The following TCF12 variants were observed in gnomAD, a reference collection of about 807,000 sequenced individuals.
TCF12 encodes the protein DNA-binding protein HTF4.
TCF12 carries 45 observed loss-of-function variants against 86.0 expected under a neutral mutation model. The observed-to-expected ratio is 0.52, with a 90% CI of 0.41 to 0.67. TCF12 has a LOEUF of 0.67. TCF12 is among the 30% of genes least tolerant of loss of function. The pLI is 0.00. For synonymous variants in TCF12, 330 were observed against 299.6 expected (o/e 1.10, Z -1.05); for missense variants, 881 against 859.9 (o/e 1.02, Z -0.31).
chr15:57,086,212 G>GATGATAATAATAATAATAATAATA (rs1555501430), intron 4 of TCF12, among the ~76,000 whole-genome samples: 1 of 141,622 alleles, frequency 7.1e-6, no homozygotes, highest in Non-Finnish European at 1.5e-5. Context: ...GGATGATGAT[G>GATGATAATAATAATAATAATAATA]ATAATAATAA....
chr15:57,104,448 T>TC lies in TCF12; in HGVS notation c.325+12557_325+12558insC, dbSNP rs1177818698. ...AATTTTTTTTTTCTTTTTTTTTTTT[T>TC]TTTTTTTTTTTGAGATGGAGTCTTT... On this transcript the variant is annotated intron_variant, in intron 5 of 20. Coordinates refer to ENST00000333725, the MANE Select transcript of TCF12 (RefSeq NM_207037.2). 5.3e-4 allele frequency among the ~76,000 whole-genome samples: 78 copies of TC among 146,148 alleles called. 1 individual carries two copies. The highest frequency in any genetic ancestry group is 6.6e-4 in the Non-Finnish European group (44 of 66,294).
chr15:57,147,087 G>A (rs2053412884), intron 5 of TCF12, among the ~76,000 whole-genome samples: 1 of 152,176 alleles, frequency 6.6e-6, no homozygotes, highest in African/African-American at 2.4e-5. Flanking sequence ...GAAAATAGCA[G>A]TGCCTTGCAT....
chr15:57,025,847 C>G (rs1237083926), intron 3 of TCF12, among the ~76,000 whole-genome samples: 3 of 152,112 alleles, frequency 2.0e-5, no homozygotes, highest in Non-Finnish European at 2.9e-5. Flanking sequence ...GGTAGTGGTT[C>G]CTTTGTAATC....
At chr15:57,257,860 G>A (rs1459628748) in intron 16 of TCF12, among the ~76,000 whole-genome samples, 1 of 152,056 alleles carries the variant, frequency 6.6e-6, no homozygotes, top group Non-Finnish European at 1.5e-5. Context: ...AAATTTTAAA[G>A]CGCGAAATCA....
intron 6 of TCF12, among the ~76,000 whole-genome samples, chr15:57,184,447 A>G (rs1163313954): frequency 6.6e-6 from 1 of 152,182 alleles, no homozygotes; most frequent in Admixed American, 6.5e-5. Context: ...AGACATACAC[A>G]CATCCCTCCT....
chr15:57,034,821 C>T (rs2066405405), intron 3 of TCF12, among the ~76,000 whole-genome samples: 1 of 152,168 alleles, frequency 6.6e-6, no homozygotes, highest in Admixed American at 6.5e-5. Flanking sequence ...AGTGTTATTT[C>T]CATTTCACAA....
rs1596284551 is a variant in TCF12, at chr15:57,045,939, A to G, written c.149-17811A>G. Reference sequence around the variant, plus strand: ...CTGATACTTTAAGAGGCAATACCACAAATGGGAAATCCAACTTAGACCCAG... The same window carrying G: ...CTGATACTTTAAGAGGCAATACCACGAATGGGAAATCCAACTTAGACCCAG... On this transcript the variant is annotated intron_variant, in intron 3 of 20. Transcript: ENST00000333725. Among the ~76,000 whole-genome samples, 3 of 152,214 alleles carry G rather than the reference A, an allele frequency of 2.0e-5. No individual in the cohort carries two copies. The South Asian group carries it at 6.2e-4, about 32-fold the overall frequency.
intron 3 of TCF12, among the ~76,000 whole-genome samples, chr15:56,948,852 C>T (rs1292475640): frequency 1.3e-5 from 2 of 152,036 alleles, no homozygotes; most frequent in Non-Finnish European, 2.9e-5. Context: ...ACTGTTTTCC[C>T]TGGTAAGGAC....
chr15:57,216,811 G>C (rs980550818), intron 8 of TCF12, among the ~76,000 whole-genome samples: 5 of 152,094 alleles, frequency 3.3e-5, no homozygotes, highest in African/African-American at 1.2e-4. Context: ...TAGTTTTTTG[G>C]GGGGTAAGGC....
At chr15:57,125,032 A>T (rs572428634) in intron 5 of TCF12, among the ~76,000 whole-genome samples, 1 of 152,150 alleles carries the variant, frequency 6.6e-6, no homozygotes, top group East Asian at 1.9e-4. Flanking sequence ...TTTTTCCGCG[A>T]CCGCCGTTAT....
chr15:56,996,401 T>C (rs1308459465), intron 3 of TCF12, among the ~76,000 whole-genome samples: 1 of 152,190 alleles, frequency 6.6e-6, no homozygotes, highest in Non-Finnish European at 1.5e-5. Flanking sequence ...GGGAAAAGAC[T>C]TCCTATTCAA....
At chr15:57,164,988 G>C (rs1596971549) in intron 5 of TCF12, among the ~76,000 whole-genome samples, 1 of 152,154 alleles carries the variant, frequency 6.6e-6, no homozygotes, top group African/African-American at 2.4e-5. Context: ...ACCACAGCAA[G>C]AATTCTTACA....
chr15:57,044,790 G>T (rs2067124461), intron 3 of TCF12, among the ~76,000 whole-genome samples: 1 of 151,828 alleles, frequency 6.6e-6, no homozygotes, highest in Admixed American at 6.6e-5. Flanking sequence ...TCACGGATTT[G>T]TTATGTTTTC....
At chr15:56,962,383 G>T (rs566120179) in intron 3 of TCF12, among the ~76,000 whole-genome samples, 158 of 152,250 alleles carry the variant, frequency 1.0e-3, no homozygotes, top group African/African-American at 3.7e-3. Context: ...TTAGATAAAA[G>T]TCTACTATAA....
At chr15:57,201,670 T>A (rs2151763574) in intron 8 of TCF12, among the ~76,000 whole-genome samples, 1 of 152,290 alleles carries the variant, frequency 6.6e-6, no homozygotes, top group South Asian at 2.1e-4. Flanking sequence ...ACTCAACTGT[T>A]CTGGCCAAGA....
intron 3 of TCF12, among the ~76,000 whole-genome samples, chr15:57,017,895 A>C (rs573873177): frequency 6.6e-6 from 1 of 152,246 alleles, no homozygotes; most frequent in East Asian, 1.9e-4. Flanking sequence ...AGGGATTGTC[A>C]CATAATATAA....
chr15:57,091,975 G>A (rs2049020658), intron 5 of TCF12, 84 bp downstream of exon 5: 1 of 1,119,446 alleles, frequency 8.9e-7, no homozygotes, highest in South Asian at 1.4e-5. Flanking sequence ...AGGAGGGACA[G>A]GTAAGTATCT....
At chr15:57,245,205 A>G (rs2059804604) in intron 13 of TCF12, among the ~76,000 whole-genome samples, 1 of 152,238 alleles carries the variant, frequency 6.6e-6, no homozygotes, top group Non-Finnish European at 1.5e-5. Flanking sequence ...TTGTGGCTCT[A>G]CTAAGAAGCA....
chr15:57,250,739 GA>G (rs1362997327), intron 13 of TCF12, among the ~76,000 whole-genome samples: 6 of 150,198 alleles, frequency 4.0e-5, no homozygotes, highest in Non-Finnish European at 3.0e-5. Context: ...AAAAAAAAAA[GA>G]AAAAAAATTA....
Sources: allele counts gnomAD v4.1 joint callset (sites outside exome capture counted in the v4.1 genomes callset), GRCh38; gene constraint gnomAD v4.1.1; transcripts MANE v1.5; gene names NCBI Gene and HGNC (gene_info 2026-07-23, HGNC 2026-07-21).